Variants in TPX2 observed in about 807,000 individuals in gnomAD.
TPX2 encodes TPX2 microtubule nucleation factor.
TPX2 carries 21 observed loss-of-function variants against 93.6 expected under a neutral mutation model. That is an observed-to-expected ratio of 0.22 (90% CI 0.16 to 0.32). The LOEUF (loss-of-function observed/expected upper bound fraction) is 0.32. Among genes scored for constraint, TPX2 ranks in the 10% least tolerant of loss-of-function variants. The pLI is 1.00. For missense variants in TPX2, 776 were observed against 871.1 expected (o/e 0.89, Z 1.37); for synonymous variants, 281 against 298.3 (o/e 0.94, Z 0.60).
chr20:31,762,268 C>G (rs1426784620), intron 4 of TPX2, among the ~76,000 whole-genome samples: 1 of 152,146 alleles, frequency 6.6e-6, no homozygotes, highest in South Asian at 2.1e-4. Context: ...GCTTTTGTTG[C>G]CTATACTTTT....
intron 2 of TPX2, among the ~76,000 whole-genome samples, chr20:31,745,704 A>G (rs573253620): frequency 6.6e-6 from 1 of 152,356 alleles, no homozygotes; most frequent in African/African-American, 2.4e-5. Context: ...ATAAATCTCT[A>G]TAAAATGAAA....
At chr20:31,773,143 ATTT>A (rs769516478) in intron 7 of TPX2, among the ~76,000 whole-genome samples, 1 of 102,340 alleles carries the variant, frequency 9.8e-6, no homozygotes, top group Non-Finnish European at 1.9e-5. Flanking sequence ...CACCCGGCTA[ATTT>A]TTTTTTTTTT....
intron 2 of TPX2, among the ~76,000 whole-genome samples, chr20:31,750,109 G>A (rs551956759): frequency 1.3e-5 from 2 of 148,604 alleles, no homozygotes; most frequent in African/African-American, 2.5e-5. Flanking sequence ...AGCTAATTTT[G>A]TGTTTTTAGT....
At chr20:31,753,466 A>G (rs1187373183) in intron 2 of TPX2, among the ~76,000 whole-genome samples, 2 of 152,208 alleles carry the variant, frequency 1.3e-5, no homozygotes, top group Non-Finnish European at 2.9e-5. Flanking sequence ...TGTTTTTACC[A>G]TGATCCTTAG....
chr20:31,773,282 G>T (rs556706931), intron 7 of TPX2, among the ~76,000 whole-genome samples: 1 of 151,898 alleles, frequency 6.6e-6, no homozygotes, highest in South Asian at 2.1e-4. Context: ...CTCCCATGTG[G>T]CTGGGATTAC....
intron 12 of TPX2, among the ~76,000 whole-genome samples, chr20:31,784,804 A>G (rs1046392968): frequency 2.0e-5 from 3 of 152,196 alleles, no homozygotes; most frequent in Non-Finnish European, 4.4e-5. Flanking sequence ...ACAGTCAGAG[A>G]ATAAGCAATG....
chr20:31,747,769 C>CTTTTTT lies in TPX2; in HGVS notation c.-71+5137_-71+5142dup, dbSNP rs1236018315. On this transcript the variant is annotated intron_variant, in intron 2 of 17. Transcript: ENST00000300403. ...GGGGGAATGTGGTTGACGCATGTGC[C>CTTTTTT]TTTTTTTTTTTTTTTTTTTTGGTGA... Among the ~76,000 whole-genome samples the CTTTTTT allele has an allele frequency of 3.2e-5, 4 of 124,546 alleles. 1 individual carries two copies. Among genetic ancestry groups the CTTTTTT allele is most frequent in the African/African-American group, 9.1e-5 (3 of 33,038 alleles). 81.7% of individuals were successfully genotyped at this position (124,546 alleles called of 152,430 possible).
chr20:31,795,855 A>G (rs1170899737), intron 15 of TPX2, among the ~76,000 whole-genome samples: 1 of 152,178 alleles, frequency 6.6e-6, no homozygotes, highest in Non-Finnish European at 1.5e-5. Context: ...TTTCCCCTGA[A>G]TTTCTAAGTT....
At chr20:31,746,345 G>T (rs2061783502) in intron 2 of TPX2, among the ~76,000 whole-genome samples, 1 of 152,114 alleles carries the variant, frequency 6.6e-6, no homozygotes, top group African/African-American at 2.4e-5. Context: ...AAAAAATGTA[G>T]GTGTTTTCTC....
intron 12 of TPX2, among the ~76,000 whole-genome samples, chr20:31,784,881 C>G (rs1011164278): frequency 3.3e-5 from 5 of 152,186 alleles, no homozygotes; most frequent in Non-Finnish European, 7.3e-5. Flanking sequence ...GAGGACCTCA[C>G]CCGCCGCCAC....
At chr20:31,764,013 C>T (rs937278142) in intron 4 of TPX2, among the ~76,000 whole-genome samples, 1 of 151,426 alleles carries the variant, frequency 6.6e-6, no homozygotes, top group African/African-American at 2.4e-5. Context: ...AGCAAGACTC[C>T]ATCTCAAAAA....
chr20:31,780,439 C>A (rs982691706), intron 10 of TPX2, among the ~76,000 whole-genome samples: 8 of 152,094 alleles, frequency 5.3e-5, no homozygotes, highest in Non-Finnish European at 1.2e-4. Context: ...ATGAAATATT[C>A]TTCTTTATTC....
intron 7 of TPX2, 93 bp from the exon 8 acceptor site, chr20:31,775,774 G>T: frequency 7.9e-7 from 1 of 1,266,094 alleles, no homozygotes; most frequent in East Asian, 3.1e-5. Flanking sequence ...TCTTATCACA[G>T]GTTAAAAATA....
At chr20:31,798,680 G>A (rs1302272020) in intron 17 of TPX2, 128 bp downstream of exon 17, 1 of 1,146,054 alleles carries the variant, frequency 8.7e-7, no homozygotes, top group African/African-American at 1.6e-5. Flanking sequence ...AGTGAAAGGG[G>A]GAATTGCACA....
chr20:31,776,068 T>G lies in TPX2; in HGVS notation c.730+80T>G, dbSNP rs926179423. 45 of 510,912 alleles carry G rather than the reference T, an allele frequency of 8.8e-5. 2 individuals are homozygous for G. In the African/African-American group the frequency reaches 2.5e-3, roughly 29 times the overall value. The allele number at this position is 510,912 out of a possible 1,614,324, so 31.6% of individuals were successfully genotyped here. On this transcript the variant is annotated intron_variant, in intron 8 of 17. Coordinates refer to ENST00000300403, the MANE Select transcript of TPX2 (RefSeq NM_012112.5). ...GGTAGGTGTTTTTTTTTTTTTTTTT[T>G]TTTTTTTTTTTTTTTTTTTTTTTGA...
intron 12 of TPX2, among the ~76,000 whole-genome samples, chr20:31,787,769 T>C (rs1396390208): frequency 6.6e-6 from 1 of 152,114 alleles, no homozygotes; most frequent in East Asian, 1.9e-4. Context: ...ATAAGATAAT[T>C]AGGGCAGAGG....
chr20:31,782,503 T>C, intron 11 of TPX2, 113 bp downstream of exon 11: 1 of 1,374,680 alleles, frequency 7.3e-7, no homozygotes. Context: ...TTATGGCATT[T>C]GAGTAGTAGG....
intron 15 of TPX2, among the ~76,000 whole-genome samples, chr20:31,796,204 A>G (rs764952989): frequency 6.6e-6 from 1 of 152,234 alleles, no homozygotes; most frequent in African/African-American, 2.4e-5. Flanking sequence ...ACCTGGTTCT[A>G]TAGTGATCAA....
intron 5 of TPX2, among the ~76,000 whole-genome samples, chr20:31,767,871 A>G (rs2061938031): frequency 6.6e-6 from 1 of 151,644 alleles, no homozygotes. Flanking sequence ...GTTTATAATC[A>G]GAGTTTAGTG....
Sources: allele counts gnomAD v4.1 joint callset (sites outside exome capture counted in the v4.1 genomes callset), GRCh38; gene constraint gnomAD v4.1.1; transcripts MANE v1.5; gene names NCBI Gene and HGNC (gene_info 2026-07-23, HGNC 2026-07-21).